The following SPAG17 variants were observed in gnomAD, a reference collection of about 807,000 sequenced individuals.
SPAG17 encodes the protein sperm-associated antigen 17.
A neutral mutation model predicts 273.6 loss-of-function variants in SPAG17; 169 were observed. The observed-to-expected ratio is 0.62, with a 90% confidence interval of 0.55 to 0.70. SPAG17 has a LOEUF of 0.70. Among genes scored for constraint, SPAG17 ranks in the 30% least tolerant of loss-of-function variants. The pLI is 0.00. For synonymous variants in SPAG17, 825 were observed against 873.2 expected (o/e 0.94, Z 0.97); for missense variants, 2,557 against 2,627.8 (o/e 0.97, Z 0.59).
intron 24 of SPAG17, among the ~76,000 whole-genome samples, chr1:118,035,727 C>T (rs1436762782): frequency 6.6e-6 from 1 of 152,118 alleles, no homozygotes; most frequent in Non-Finnish European, 1.5e-5. Flanking sequence ...TAAGTTTATA[C>T]ATCATAGAGT....
chr1:118,062,241 C>T (rs998003266), intron 18 of SPAG17, among the ~76,000 whole-genome samples: 3 of 150,646 alleles, frequency 2.0e-5, no homozygotes, highest in Non-Finnish European at 3.0e-5. Flanking sequence ...GTGGCGGGCG[C>T]CTGTAGTCCC....
rs1654363739 is a variant in SPAG17, at chr1:117,969,962, G to C, written c.6387+94C>G. 1.5e-5 allele frequency: 16 copies of C among 1,100,058 alleles called. 1 individual carries two copies. The South Asian group carries it at 2.2e-4, about 15-fold the overall frequency. 68.1% of individuals were successfully genotyped at this position (1,100,058 alleles called of 1,614,324 possible). On this transcript the variant is annotated intron_variant, in intron 46 of 48. Coordinates refer to ENST00000336338, the MANE Select transcript of SPAG17 (RefSeq NM_206996.4). ...ACTTATACATAGTTTAAAAGGAATG[G>C]GCAGAATGGTTTCAAAGCCCACTTC... is the stretch of plus-strand genomic sequence containing the variant.
rs779651832 is a variant in SPAG17 at position 118,008,169 on chromosome 1, C to T, written c.4462G>A (p.Val1488Met). Residue 1488 changes from valine to methionine, a missense_variant, in exon 31 of 49, where the codon GTG (valine) becomes ATG (methionine). Transcript: ENST00000336338. ...TEGPRTVTRQVKCMRVESSRY... is the reference protein window; with the variant it reads ...TEGPRTVTRQMKCMRVESSRY... ...GAGCTTTCTACCCGCATACACTTCACCTGCCTGGTGACAGTCCGAGGACCC... is the reference window on the plus strand; with the variant it reads ...GAGCTTTCTACCCGCATACACTTCATCTGCCTGGTGACAGTCCGAGGACCC... 6.2e-7 allele frequency: 1 copy of T among 1,613,968 alleles called. No individual in the cohort carries two copies. Among genetic ancestry groups the T allele is most frequent in the Non-Finnish European group, 8.5e-7 (1 of 1,179,946 alleles).
At chr1:117,987,089 C>T (rs371375472) in intron 40 of SPAG17, among the ~76,000 whole-genome samples, 3 of 152,152 alleles carry the variant, frequency 2.0e-5, no homozygotes, top group East Asian at 3.9e-4. Flanking sequence ...AGTGTCCATT[C>T]TTCATCAAAC....
chr1:118,088,958 T>C (rs1456227036), intron 10 of SPAG17, among the ~76,000 whole-genome samples: 1 of 152,202 alleles, frequency 6.6e-6, no homozygotes, highest in African/African-American at 2.4e-5. Flanking sequence ...TAGTGTCTAC[T>C]ATGGGTTAGG....
chr1:117,955,374 C>T (rs370870808), intron 48 of SPAG17: 85 of 1,609,464 alleles, frequency 5.3e-5, no homozygotes, highest in South Asian at 1.8e-4. Context: ...TGAGTCCTTG[C>T]GCACAATTTT....
At chr1:118,025,941 G>A (rs985185016) in intron 26 of SPAG17, among the ~76,000 whole-genome samples, 2 of 152,166 alleles carry the variant, frequency 1.3e-5, no homozygotes, top group African/African-American at 4.8e-5. Flanking sequence ...CCTTCTCCAT[G>A]TGTAAGCCAC....
intron 47 of SPAG17, chr1:117,965,327 C>T (rs1302746416): frequency 6.6e-6 from 1 of 152,238 alleles, no homozygotes; most frequent in Non-Finnish European, 1.5e-5. Flanking sequence ...TCTTCTTCCT[C>T]CTGCTCCCTA....
At chr1:118,078,428 G>A (rs1024864780) in intron 15 of SPAG17, among the ~76,000 whole-genome samples, 4 of 152,038 alleles carry the variant, frequency 2.6e-5, no homozygotes, top group African/African-American at 9.7e-5. Context: ...GACATCTTAT[G>A]TGTATCATTT....
intron 28 of SPAG17, among the ~76,000 whole-genome samples, chr1:118,016,500 C>A (rs1352192062): frequency 6.6e-6 from 1 of 152,184 alleles, no homozygotes. Context: ...ATACTTCTCT[C>A]TGGGTCCCAG....
At chr1:118,164,514 T>A (rs1298121072) in intron 1 of SPAG17, among the ~76,000 whole-genome samples, 1 of 152,248 alleles carries the variant, frequency 6.6e-6, no homozygotes, top group African/African-American at 2.4e-5. Flanking sequence ...CAAGAGCTTT[T>A]TGAATCTGTC....
At chr1:118,109,564 AT>A (rs1290237569) in intron 4 of SPAG17, among the ~76,000 whole-genome samples, 9 of 148,918 alleles carry the variant, frequency 6.0e-5, no homozygotes, top group Non-Finnish European at 7.4e-5. Context: ...CAAAATAATA[AT>A]AATAATAATA....
chr1:118,118,288 T>C (rs529010902), intron 3 of SPAG17, among the ~76,000 whole-genome samples: 328 of 152,320 alleles, frequency 2.2e-3, no homozygotes, highest in African/African-American at 7.6e-3. Flanking sequence ...CCATCATCTA[T>C]GTCAAAATAA....
chr1:118,083,220 T>G (rs901698645), intron 13 of SPAG17, among the ~76,000 whole-genome samples: 3 of 151,968 alleles, frequency 2.0e-5, no homozygotes, highest in Non-Finnish European at 2.9e-5. Flanking sequence ...CCTCCCAGAG[T>G]GCTGGAATTA....
chr1:118,066,287 A>C (rs918759813), intron 18 of SPAG17, among the ~76,000 whole-genome samples: 1 of 152,184 alleles, frequency 6.6e-6, no homozygotes, highest in Non-Finnish European at 1.5e-5. Context: ...GAAAGAAAAA[A>C]TCACTAACCC....
At chr1:117,991,287 A>G in intron 37 of SPAG17, 128 bp downstream of exon 37, 1 of 535,926 alleles carries the variant, frequency 1.9e-6, no homozygotes. Context: ...ACAAAAATTG[A>G]AAATTATGAG....
At chr1:118,157,284 G>C (rs1432613922) in intron 1 of SPAG17, among the ~76,000 whole-genome samples, 1 of 152,180 alleles carries the variant, frequency 6.6e-6, no homozygotes, top group Non-Finnish European at 1.5e-5. Context: ...GGGCAAAGCA[G>C]ATTTATTCCC....
At chr1:117,960,035 A>AT (rs925259780) in intron 48 of SPAG17, 2 of 152,270 alleles carry the variant, frequency 1.3e-5, no homozygotes, top group Admixed American at 1.3e-4. Flanking sequence ...ACTTTTCTGA[A>AT]TAAAATAGTT....
chr1:118,085,108 T>C (rs1654885605), intron 13 of SPAG17, among the ~76,000 whole-genome samples: 1 of 152,196 alleles, frequency 6.6e-6, no homozygotes, highest in South Asian at 2.1e-4. Flanking sequence ...CCTGTCCTCA[T>C]GTGCAGAGAT....
Sources: gnomAD v4.1 joint callset for allele counts (sites outside exome capture counted in the v4.1 genomes callset) on GRCh38, gnomAD v4.1.1 for gene constraint, MANE v1.5 for transcripts, NCBI Gene and HGNC (gene_info 2026-07-23, HGNC 2026-07-21) for gene names.